Variants in MYO5C observed in about 807,000 individuals in gnomAD.
MYO5C encodes myosin VC.
In MYO5C, 194 loss-of-function variants were observed where a neutral mutation model predicts 235.7. The observed-to-expected ratio is 0.82, with a 90% CI of 0.73 to 0.93. The LOEUF (loss-of-function observed/expected upper bound fraction) is 0.93, where lower values mean the gene tolerates loss of function less well. MYO5C is among the 40% of genes least tolerant of loss of function. The probability of loss-of-function intolerance (pLI) is 0.00; values close to 1 mark genes in which losing one functional copy is unlikely to be tolerated. For synonymous variants in MYO5C, 707 were observed against 754.8 expected (o/e 0.94, Z 1.04); for missense variants, 2,038 against 2,127.2 (o/e 0.96, Z 0.82).
rs2037108001 is a variant in MYO5C at position 52,278,964 on chromosome 15, C to T, written c.358G>A (p.Ala120Thr). The stretch of plus-strand genomic sequence containing the variant: ...TGCCCGCTGTAGGCGTGGATGATGG[C>T]ATCTCCGTATATTGGCAACTGCTTG... The part of the protein sequence containing the change: ...PYKQLPIYGD[A>T]IIHAYSGQNM... Residue 120 changes from alanine to threonine, a missense_variant, in exon 4 of 41, where the codon GCC becomes ACC. By Grantham distance (58) the Ala-to-Thr change is moderately conservative. Transcript: ENST00000261839. The T allele has an allele frequency of 1.9e-6, 3 of 1,614,064 alleles. No homozygotes were observed. In the East Asian group the frequency reaches 6.7e-5, roughly 36 times the overall value.
At chr15:52,277,808 T>G (rs1471518028) in intron 4 of MYO5C, 1 of 454,182 alleles carries the variant, frequency 2.2e-6, no homozygotes, top group Non-Finnish European at 4.4e-6. Context: ...AGACTGCCCA[T>G]CAGACATCTG....
intron 32 of MYO5C, 95 bp downstream of exon 32, chr15:52,218,424 A>G (rs963680873): frequency 2.3e-5 from 28 of 1,211,136 alleles, no homozygotes; most frequent in East Asian, 7.1e-5. Flanking sequence ...CTTTTGGTCT[A>G]TAGATGTTAA....
intron 11 of MYO5C, among the ~76,000 whole-genome samples, chr15:52,254,963 T>G (rs1301174865): frequency 6.6e-6 from 1 of 151,074 alleles, no homozygotes; most frequent in Admixed American, 6.6e-5. Context: ...GAAATGAAAT[T>G]TACAATGGAA....
chr15:52,225,994 G>A (rs2035813472), intron 25 of MYO5C, among the ~76,000 whole-genome samples: 1 of 151,508 alleles, frequency 6.6e-6, no homozygotes, highest in Non-Finnish European at 1.5e-5. Context: ...AGGTTTTAGT[G>A]AGCTGAGACT....
At chr15:52,242,630 CCTGT>C (rs2036253564) in intron 19 of MYO5C, 1 of 159,106 alleles carries the variant, frequency 6.3e-6, no homozygotes, top group Non-Finnish European at 1.4e-5. Context: ...GTTTGCTGCC[CCTGT>C]CTAAATGACT....
At chr15:52,239,109 G>A (rs908073740) in intron 21 of MYO5C, among the ~76,000 whole-genome samples, 11 of 152,190 alleles carry the variant, frequency 7.2e-5, no homozygotes, top group South Asian at 4.1e-4. Context: ...GCATCACCAC[G>A]CCCGGCTAAT....
chr15:52,272,681 G>A lies in MYO5C; in HGVS notation c.649C>T (p.Arg217Trp), dbSNP rs1017902309. 3.9e-5 allele frequency: 63 copies of A among 1,613,882 alleles called. 1 individual carries two copies. The highest frequency in any genetic ancestry group is 2.8e-4 in the Admixed American group (17 of 59,984). ...AKTTRNDNSS[R>W]FGKYTEISFD... is the part of the protein sequence containing the mutation. ...CTGATTTCTGTGTATTTCCCAAACCGACTACTATTGTCATTGCGGGTGGTC... is the reference window on the plus strand; with the variant it reads ...CTGATTTCTGTGTATTTCCCAAACCAACTACTATTGTCATTGCGGGTGGTC... Residue 217 changes from arginine (R) to tryptophan (W), a missense_variant, in exon 6 of 41, where the codon CGG (arginine) becomes TGG (tryptophan). Transcript: ENST00000261839.
chr15:52,193,802 A>T lies in MYO5C; in HGVS notation c.*100T>A. ...TTGAGAAAAGTCTGTTTTCTTCCTT[A>T]AATCACATTCCAATTTCCACTGCCA... On this transcript the variant is annotated 3_prime_UTR_variant, in exon 41 of 41. Coordinates refer to ENST00000261839, the MANE Select transcript of MYO5C (RefSeq NM_018728.4). 1 of 1,328,944 alleles carries T rather than the reference A, an allele frequency of 7.5e-7. No homozygotes were observed. Among genetic ancestry groups the T allele is most frequent in the Non-Finnish European group, 1.0e-6 (1 of 960,740 alleles). The allele number at this position is 1,328,944 out of a possible 1,614,324, so 82.3% of individuals were successfully genotyped here. A position where few individuals can be genotyped will look rare whatever the true frequency, so the allele number is the denominator to read the frequency against.
At chr15:52,279,853 G>A (rs1456012208) in intron 2 of MYO5C, among the ~76,000 whole-genome samples, 179 bp from the exon 3 acceptor site, 2 of 152,130 alleles carry the variant, frequency 1.3e-5, no homozygotes, top group Admixed American at 6.5e-5. Context: ...TGAAAAGTAG[G>A]AGCAGGGGAC....
intron 22 of MYO5C, among the ~76,000 whole-genome samples, chr15:52,236,241 C>G (rs1399565593): frequency 6.6e-6 from 1 of 152,220 alleles, no homozygotes; most frequent in Non-Finnish European, 1.5e-5. Context: ...CAGCAGGCCC[C>G]GTGGTGCTGA....
At chr15:52,259,419 C>T (rs147622326) in intron 10 of MYO5C, among the ~76,000 whole-genome samples, 1 of 127,424 alleles carries the variant, frequency 7.8e-6, no homozygotes, top group African/African-American at 3.0e-5. Flanking sequence ...GACTCCGTCT[C>T]AAAAAAAAAA....
intron 11 of MYO5C, 52 bp downstream of exon 11, chr15:52,256,587 A>ACACACACACAAGCG: frequency 1.8e-6 from 1 of 564,336 alleles, no homozygotes; most frequent in South Asian, 2.0e-5. Context: ...ACACACACAC[A>ACACACACACAAGCG]CGCGCGCGCG....
chr15:52,282,906 T>A lies in MYO5C; in HGVS notation c.28-14A>T, dbSNP rs763055512. ...GACCCTGTTGTACTGACCAACAGGA[T>A]GAGAAAAGCTGAATTTCAGGACTTC... is the stretch of plus-strand genomic sequence containing the variant. On this transcript the variant is annotated splice_polypyrimidine_tract_variant and intron_variant, in intron 1 of 40. Transcript: ENST00000261839. The A allele has an allele frequency of 6.5e-7, 1 of 1,546,992 alleles. No individual in the cohort carries two copies. Among genetic ancestry groups the A allele is most frequent in the African/African-American group, 1.4e-5 (1 of 73,584 alleles).
At chr15:52,242,951 G>A (rs1262831674) in intron 19 of MYO5C, 2 of 152,222 alleles carry the variant, frequency 1.3e-5, no homozygotes, top group Non-Finnish European at 2.9e-5. Flanking sequence ...ACTAGAATAA[G>A]ATGGATGAAG....
At chr15:52,209,215 T>A (rs192774225) in intron 35 of MYO5C, among the ~76,000 whole-genome samples, 2 of 151,990 alleles carry the variant, frequency 1.3e-5, no homozygotes, top group East Asian at 3.9e-4. Flanking sequence ...ACAGAGAAAA[T>A]CCTGGGATTT....
At chr15:52,237,413 C>A (rs2036110029) in intron 22 of MYO5C, 69 bp downstream of exon 22, 1 of 1,525,662 alleles carries the variant, frequency 6.6e-7, no homozygotes, top group Non-Finnish European at 8.9e-7. Context: ...ATAGGAAAAG[C>A]TGGCAGCGCT....
At position 52,205,882 on chromosome 15, in the gene MYO5C, C is replaced by T. The variant is rs1294058578; in HGVS notation, c.4471G>A (p.Asp1491Asn). 6.3e-7 allele frequency: 1 copy of T among 1,595,526 alleles called. No individual in the cohort carries two copies. Among genetic ancestry groups the T allele is most frequent in the Admixed American group, 1.7e-5 (1 of 59,484 alleles). Residue 1491 changes from aspartate to asparagine, a missense_variant, in exon 37 of 41, where the codon GAT becomes AAT. By Grantham distance (23) the Asp-to-Asn change is conservative (BLOSUM62 1). Coordinates refer to ENST00000261839, the MANE Select transcript of MYO5C (RefSeq NM_018728.4). The stretch of plus-strand genomic sequence containing the variant: ...TGATGATATATTCGTATAGCCACAT[C>T]ACTGAGAATCTGTCTGTATTCTGAA... Reference protein sequence around the residue: ...DLSEYRQILSDVAIRIYHQFI... With the variant: ...DLSEYRQILSNVAIRIYHQFI...
intron 8 of MYO5C, among the ~76,000 whole-genome samples, chr15:52,265,668 A>AG (rs2036793518): frequency 6.6e-6 from 1 of 151,894 alleles, no homozygotes; most frequent in South Asian, 2.1e-4. Flanking sequence ...CCTCCTGAGT[A>AG]GCTGGGACTA....
intron 32 of MYO5C, among the ~76,000 whole-genome samples, chr15:52,215,443 CCCAGAAAGACCCA>C (rs1324661482): frequency 6.6e-6 from 1 of 152,222 alleles, no homozygotes; most frequent in Non-Finnish European, 1.5e-5. Flanking sequence ...GCTTCTCTGA[CCCAGAAAGACCCA>C]CCATGCAGGG....
Sources: allele counts gnomAD v4.1 joint callset (sites outside exome capture counted in the v4.1 genomes callset), GRCh38; gene constraint gnomAD v4.1.1; transcripts MANE v1.5; gene names NCBI Gene and HGNC (gene_info 2026-07-23, HGNC 2026-07-21).